The following SLC9C1 variants were observed in gnomAD, a reference collection of about 807,000 sequenced individuals.
SLC9C1 encodes the protein sodium/hydrogen exchanger 10.
A neutral mutation model predicts 140.9 loss-of-function variants in SLC9C1; 97 were observed. The ratio of observed to expected loss-of-function variants is 0.69; its 90% confidence interval spans 0.58 to 0.82. The LOEUF is 0.82. Among genes scored for constraint, SLC9C1 ranks in the 40% least tolerant of loss-of-function variants. The pLI is 0.00. For missense variants in SLC9C1, 1,340 were observed against 1,389.3 expected (o/e 0.96, Z 0.56); for synonymous variants, 440 against 442.6 (o/e 0.99, Z 0.07).
chr3:112,246,503 C>T (rs1463228657), intron 10 of SLC9C1, among the ~76,000 whole-genome samples: 1 of 152,070 alleles, frequency 6.6e-6, no homozygotes, highest in Non-Finnish European at 1.5e-5. Context: ...TCCTATCATA[C>T]TCCAGCAAAG....
intron 20 of SLC9C1, among the ~76,000 whole-genome samples, chr3:112,189,183 T>G (rs2077599497): frequency 6.6e-6 from 1 of 152,244 alleles, no homozygotes; most frequent in Non-Finnish European, 1.5e-5. Context: ...GTAAGTTGCC[T>G]GTTCACTCTG....
chr3:112,231,772 T>C (rs2078836971), intron 12 of SLC9C1, among the ~76,000 whole-genome samples: 1 of 152,192 alleles, frequency 6.6e-6, no homozygotes, highest in Admixed American at 6.6e-5. Flanking sequence ...GATCATGCTT[T>C]ACACTAGCAG....
At chr3:112,158,578 A>T (rs1265897864) in intron 26 of SLC9C1, among the ~76,000 whole-genome samples, 1 of 151,968 alleles carries the variant, frequency 6.6e-6, no homozygotes, top group Non-Finnish European at 1.5e-5. Context: ...TTTTTGAAAT[A>T]GTTTAAGTAG....
At chr3:112,226,718 TC>T (rs918652516) in intron 13 of SLC9C1, among the ~76,000 whole-genome samples, 35 of 7,708 alleles carry the variant, frequency 4.5e-3, no homozygotes, top group East Asian at 6.0e-3. Flanking sequence ...TAAGACTCCA[TC>T]CCCCCCCATC....
At chr3:112,244,103 G>C in intron 10 of SLC9C1, 27 bp from the exon 11 acceptor site, 1 of 1,430,926 alleles carries the variant, frequency 7.0e-7, no homozygotes, top group Non-Finnish European at 9.7e-7. Flanking sequence ...TACAAAGTAA[G>C]TATTCATGAC....
chr3:112,144,317 A>G (rs183240281), intron 28 of SLC9C1, among the ~76,000 whole-genome samples: 2 of 151,564 alleles, frequency 1.3e-5, no homozygotes, highest in East Asian at 1.9e-4. Context: ...AGCTGGGATT[A>G]CAGGTACCCA....
At chr3:112,277,068 T>G (rs896075006) in intron 5 of SLC9C1, among the ~76,000 whole-genome samples, 3 of 152,150 alleles carry the variant, frequency 2.0e-5, no homozygotes, top group African/African-American at 7.2e-5. Flanking sequence ...ATTTTTCTAG[T>G]TCTCATTATT....
At chr3:112,212,273 G>T (rs867226074) in intron 15 of SLC9C1, among the ~76,000 whole-genome samples, 40 of 152,250 alleles carry the variant, frequency 2.6e-4, no homozygotes, top group African/African-American at 8.7e-4. Context: ...GAGCAGAAAA[G>T]CTGAAAATTC....
At chr3:112,240,167 G>A (rs1378622755) in intron 11 of SLC9C1, among the ~76,000 whole-genome samples, 161 bp from the exon 12 acceptor site, 6 of 152,168 alleles carry the variant, frequency 3.9e-5, no homozygotes, top group Non-Finnish European at 8.8e-5. Context: ...AACATTTTCT[G>A]CTTTCATATT....
chr3:112,279,914 G>C (rs965121345), intron 3 of SLC9C1, among the ~76,000 whole-genome samples: 3 of 152,198 alleles, frequency 2.0e-5, no homozygotes, highest in African/African-American at 7.2e-5. Flanking sequence ...CTGGCAAGTA[G>C]AGAAAAATCT....
At chr3:112,177,801 T>C (rs988557253) in intron 23 of SLC9C1, among the ~76,000 whole-genome samples, 8 of 150,276 alleles carry the variant, frequency 5.3e-5, no homozygotes, top group African/African-American at 1.7e-4. Flanking sequence ...TTTTTTTTTA[T>C]AGCAGATGTG....
rs545619752 is a variant in SLC9C1 at position 112,235,978 on chromosome 3, C to G, written c.1446+3862G>C. 1.5e-3 allele frequency among the ~76,000 whole-genome samples: 225 copies of G among 152,238 alleles called. 3 individuals carry two copies. In the South Asian group the frequency reaches 0.03, roughly 20 times the overall value. On this transcript the variant is annotated intron_variant, in intron 12 of 28. Coordinates refer to ENST00000305815, the MANE Select transcript of SLC9C1 (RefSeq NM_183061.3). ...GGCTTTGGTATCAGGATGATGCTGG[C>G]CTCATAAAATGAGTTAGGGAGGATT...
intron 10 of SLC9C1, among the ~76,000 whole-genome samples, chr3:112,256,413 G>T (rs2079608006): frequency 6.6e-6 from 1 of 152,134 alleles, no homozygotes; most frequent in Non-Finnish European, 1.5e-5. Context: ...TGCAAGGTTG[G>T]TTCAATATAT....
At position 112,246,230 on chromosome 3, in the gene SLC9C1, G is replaced by A. The variant is rs577634593; in HGVS notation, c.1198-2154C>T. Among the ~76,000 whole-genome samples the A allele has an allele frequency of 3.0e-3, 463 of 152,256 alleles. 4 individuals carry two copies. Among genetic ancestry groups the A allele is most frequent in the African/African-American group, 0.011 (443 of 41,548 alleles). The stretch of plus-strand genomic sequence containing the variant: ...AAGGCACCCAGTAGGCTTATGTTCT[G>A]TACAATCGCTGCTTAGCAACCAGCA... On this transcript the variant is annotated intron_variant, in intron 10 of 28. Transcript: ENST00000305815.
At chr3:112,253,567 TA>T (rs981642879) in intron 10 of SLC9C1, among the ~76,000 whole-genome samples, 3 of 152,068 alleles carry the variant, frequency 2.0e-5, no homozygotes, top group African/African-American at 7.2e-5. Context: ...CATTTGCAAA[TA>T]AAGACTCTGC....
At chr3:112,167,100 G>T (rs2077154623) in intron 26 of SLC9C1, 121 bp downstream of exon 26, 2 of 1,012,598 alleles carry the variant, frequency 2.0e-6, no homozygotes, top group Non-Finnish European at 1.4e-6. Flanking sequence ...AGCAAATATG[G>T]CAGTTAAAAG....
At chr3:112,199,607 G>A in intron 19 of SLC9C1, 138 bp from the exon 20 acceptor site, 1 of 567,960 alleles carries the variant, frequency 1.8e-6, no homozygotes, top group Non-Finnish European at 2.8e-6. Flanking sequence ...TCCTGAAGGG[G>A]CCACTATGAT....
At chr3:112,275,493 A>G (rs904504949) in intron 5 of SLC9C1, among the ~76,000 whole-genome samples, 1 of 152,150 alleles carries the variant, frequency 6.6e-6, no homozygotes, top group Non-Finnish European at 1.5e-5. Flanking sequence ...TTAGAAATCA[A>G]TCTCCATGAA....
In SLC9C1 at chr3:112,256,788, A is replaced by G. The variant is rs541396475; in HGVS notation, c.1197+6136T>C. 3.3e-5 allele frequency among the ~76,000 whole-genome samples: 5 copies of G among 152,304 alleles called. No homozygotes were observed. In the East Asian group the frequency reaches 9.7e-4, roughly 29 times the overall value. ...GAAGTCAAATTATCCTTATTTGCAG[A>G]TGACATGATTCTGTATCTAGAAAAC... On this transcript the variant is annotated intron_variant, in intron 10 of 28. Transcript: ENST00000305815.
Sources: gnomAD v4.1 joint callset for allele counts (sites outside exome capture counted in the v4.1 genomes callset) on GRCh38, gnomAD v4.1.1 for gene constraint, MANE v1.5 for transcripts, NCBI Gene and HGNC (gene_info 2026-07-23, HGNC 2026-07-21) for gene names.